EYA1: variants seen among roughly 807,000 people sequenced by gnomAD.
The protein encoded by EYA1 is EYA transcriptional coactivator and phosphatase 1.
A neutral mutation model predicts 82.0 loss-of-function variants in EYA1; 16 were observed. The ratio of observed to expected loss-of-function variants is 0.20; its 90% CI spans 0.13 to 0.30. The LOEUF is 0.30. EYA1 is among the 10% of genes least tolerant of loss of function. The probability of loss-of-function intolerance (pLI) is 1.00; values close to 1 mark genes in which losing one functional copy is unlikely to be tolerated. For missense variants in EYA1, 633 were observed against 730.7 expected (o/e 0.87, Z 1.54); for synonymous variants, 261 against 264.4 (o/e 0.99, Z 0.12).
chr8:71,216,821 C>T lies in EYA1; in HGVS notation c.1231G>A (p.Ala411Thr). Residue 411 changes from alanine (A) to threonine (T), a missense_variant, in exon 14 of 18, where the codon GCT becomes ACT. Physicochemically the swap from Ala to Thr is moderately conservative, Grantham distance 58. Coordinates refer to ENST00000340726, the MANE Select transcript of EYA1 (RefSeq NM_000503.6). ...TYNFGTDGFPAAATSANLCLA... is the reference protein window; with the variant it reads ...TYNFGTDGFPTAATSANLCLA... The stretch of plus-strand genomic sequence containing the variant: ...CATAAGTTAGCACTGGTTGCTGCAG[C>T]AGGAAAGCCATCTGTTCCAAAGTTA... 6.2e-7 allele frequency: 1 copy of T among 1,614,144 alleles called. No individual in the cohort carries two copies. Among genetic ancestry groups the T allele is most frequent in the Non-Finnish European group, 8.5e-7 (1 of 1,180,008 alleles).
At chr8:71,369,409 T>C (rs1239710785) in intron 2 of EYA1, among the ~76,000 whole-genome samples, 2 of 152,174 alleles carry the variant, frequency 1.3e-5, no homozygotes, top group Non-Finnish European at 2.9e-5. Flanking sequence ...GAGATTCAAG[T>C]GAATTCTAAT....
chr8:71,262,975 G>T (rs969403424), intron 11 of EYA1, among the ~76,000 whole-genome samples: 5 of 152,164 alleles, frequency 3.3e-5, no homozygotes, highest in Non-Finnish European at 7.3e-5. Flanking sequence ...TCTGTCCTTT[G>T]GGATTAGATT....
chr8:71,426,021 G>A (rs1805206263), intron 2 of EYA1, among the ~76,000 whole-genome samples: 1 of 152,160 alleles, frequency 6.6e-6, no homozygotes, highest in South Asian at 2.1e-4. Flanking sequence ...TTTTCTGGGA[G>A]GTTAGTTTAG....
chr8:71,493,194 T>C (rs1289614620), intron 2 of EYA1, among the ~76,000 whole-genome samples: 3 of 152,244 alleles, frequency 2.0e-5, no homozygotes, highest in African/African-American at 7.2e-5. Flanking sequence ...TTCCATGTCT[T>C]GGCTATCATG....
intron 17 of EYA1, among the ~76,000 whole-genome samples, chr8:71,207,520 A>C (rs1373103350): frequency 6.6e-6 from 1 of 152,214 alleles, no homozygotes; most frequent in Admixed American, 6.5e-5. Flanking sequence ...TTTGCAGCAG[A>C]TATTTTTGGA....
intron 2 of EYA1, among the ~76,000 whole-genome samples, chr8:71,411,922 A>G (rs921361111): frequency 2.0e-5 from 3 of 151,070 alleles, no homozygotes; most frequent in African/African-American, 7.3e-5. Context: ...ATAAAGACAC[A>G]TGCACACGTA....
chr8:71,515,478 C>A lies in EYA1; in HGVS notation c.33+20266G>T, dbSNP rs201479307. On this transcript the variant is annotated intron_variant, in intron 2 of 18. Transcript: ENST00000643681. The stretch of plus-strand genomic sequence containing the variant: ...TCAAAATCAAGTTGAATCTCAATAT[C>A]AAAAAAAAAAGCCAATTAATTATGT... Among the ~76,000 whole-genome samples, 27 of 146,402 alleles carry A rather than the reference C, an allele frequency of 1.8e-4. No individual in the cohort carries two copies. In the East Asian group the frequency reaches 3.2e-3, roughly 17 times the overall value.
intron 10 of EYA1, among the ~76,000 whole-genome samples, chr8:71,270,947 G>A (rs1015202908): frequency 3.9e-5 from 6 of 151,954 alleles, no homozygotes; most frequent in Admixed American, 6.6e-5. Context: ...GTGAAATGAC[G>A]TCTCTACTAA....
At position 71,223,884 on chromosome 8, in the gene EYA1, T is replaced by C. The variant is rs78276208; in HGVS notation, c.1141-6861A>G. Among the ~76,000 whole-genome samples, 762 of 152,328 alleles carry C rather than the reference T, an allele frequency of 5.0e-3. 7 individuals are homozygous for C. The highest frequency in any genetic ancestry group is 0.017 in the African/African-American group (715 of 41,570). On this transcript the variant is annotated intron_variant, in intron 12 of 17. Coordinates refer to ENST00000340726, the MANE Select transcript of EYA1 (RefSeq NM_000503.6). The stretch of plus-strand genomic sequence containing the variant: ...AAATATTTATTCTGCTTTGATACTG[T>C]AGTAGTTGTACTTTCCCCCCAAGCC...
chr8:71,251,359 T>C (rs1813725446), intron 11 of EYA1, among the ~76,000 whole-genome samples: 2 of 152,332 alleles, frequency 1.3e-5, no homozygotes, highest in Middle Eastern at 3.4e-3. Context: ...GAAATTCTTC[T>C]AGTGGAAGCC....
rs10098639 is a variant in EYA1, at chr8:71,529,234, G to C, written c.33+6510C>G. On this transcript the variant is annotated intron_variant, in intron 2 of 18. Coordinates refer to the EYA1 transcript ENST00000643681. ...CCCAAGTTCAAGTTATTATCTATTT[G>C]CTGAGTACCCATCACATCCGAAAAG... 8.0e-4 allele frequency among the ~76,000 whole-genome samples: 122 copies of C among 152,200 alleles called. 1 individual carries two copies. Among genetic ancestry groups the C allele is most frequent in the African/African-American group, 2.6e-3 (110 of 41,524 alleles).
At chr8:71,235,182 G>A (rs535111104) in intron 12 of EYA1, among the ~76,000 whole-genome samples, 1 of 152,182 alleles carries the variant, frequency 6.6e-6, no homozygotes, top group South Asian at 2.1e-4. Context: ...CTCTTGCCCC[G>A]ATTCCATTTG....
At chr8:71,308,260 C>T (rs1381951909) in intron 7 of EYA1, among the ~76,000 whole-genome samples, 2 of 152,116 alleles carry the variant, frequency 1.3e-5, no homozygotes, top group Non-Finnish European at 2.9e-5. Flanking sequence ...AATAATCATA[C>T]CTAAGACATT....
intron 9 of EYA1, among the ~76,000 whole-genome samples, chr8:71,290,137 A>G (rs1184431130): frequency 6.6e-6 from 1 of 152,210 alleles, no homozygotes; most frequent in East Asian, 1.9e-4. Context: ...TACTATCAAC[A>G]TAGAAATAAC....
At chr8:71,288,885 T>G (rs1404043910) in intron 9 of EYA1, among the ~76,000 whole-genome samples, 2 of 152,120 alleles carry the variant, frequency 1.3e-5, no homozygotes, top group Non-Finnish European at 2.9e-5. Flanking sequence ...GAAATGAAAT[T>G]TAAATTAATC....
chr8:71,376,006 T>C (rs1027490930), intron 2 of EYA1, among the ~76,000 whole-genome samples: 1 of 152,200 alleles, frequency 6.6e-6, no homozygotes, highest in Non-Finnish European at 1.5e-5. Context: ...GTAGACAGTT[T>C]TCTGCTCCTA....
chr8:71,405,545 T>C (rs1830174363), intron 2 of EYA1, among the ~76,000 whole-genome samples: 1 of 152,188 alleles, frequency 6.6e-6, no homozygotes, highest in African/African-American at 2.4e-5. Context: ...TTATTTTAAT[T>C]TATCTTGATT....
In EYA1 at chr8:71,202,791, T is replaced by G. The variant is rs560800145; in HGVS notation, c.1699-3371A>C. On this transcript the variant is annotated intron_variant, in intron 17 of 17. Transcript: ENST00000340726. ...ATGTCGGCTGTAGTTAGCAGTTTCA[T>G]TCTCACAAAAATAGTAGACTTCTTT... 4.6e-5 allele frequency among the ~76,000 whole-genome samples: 7 copies of G among 152,322 alleles called. No individual in the cohort carries two copies. In the East Asian group the frequency reaches 1.3e-3, roughly 29 times the overall value.
At chr8:71,500,503 C>A (rs1811735327) in intron 2 of EYA1, among the ~76,000 whole-genome samples, 1 of 152,122 alleles carries the variant, frequency 6.6e-6, no homozygotes, top group Non-Finnish European at 1.5e-5. Context: ...CGGTGTTCCT[C>A]CTTTTGACTC....
Sources: gnomAD v4.1 joint callset for allele counts (sites outside exome capture counted in the v4.1 genomes callset) on GRCh38, gnomAD v4.1.1 for gene constraint, MANE v1.5 for transcripts, NCBI Gene and HGNC (gene_info 2026-07-23, HGNC 2026-07-21) for gene names.